Variants in SPAG9 observed in about 807,000 individuals in gnomAD.
The protein encoded by SPAG9 is sperm associated antigen 9.
SPAG9 carries 35 observed loss-of-function variants against 166.5 expected under a neutral mutation model. The observed-to-expected ratio is 0.21, with a 90% confidence interval of 0.16 to 0.28. The LOEUF (loss-of-function observed/expected upper bound fraction) is 0.28. SPAG9 is among the 10% of genes least tolerant of loss of function. The pLI is 1.00. For missense variants in SPAG9, 1,235 were observed against 1,603.3 expected (o/e 0.77, Z 3.92); for synonymous variants, 534 against 565.5 (o/e 0.94, Z 0.79).
chr17:51,066,670 C>T (rs2047680529), intron 2 of SPAG9, among the ~76,000 whole-genome samples: 1 of 151,120 alleles, frequency 6.6e-6, no homozygotes, highest in Non-Finnish European at 1.5e-5. Flanking sequence ...TCCTGGTCAA[C>T]ATGGTGAAAC....
intron 5 of SPAG9, chr17:51,031,966 AGC>A (rs2046401647): frequency 1.6e-6 from 1 of 627,128 alleles, no homozygotes; most frequent in Admixed American, 2.2e-5. Flanking sequence ...ATCAACATGC[AGC>A]TCATTGTTTA....
At chr17:50,978,539 T>A (rs999788235) in intron 26 of SPAG9, among the ~76,000 whole-genome samples, 2 of 152,148 alleles carry the variant, frequency 1.3e-5, no homozygotes, top group Admixed American at 1.3e-4. Context: ...TTCACGGGGC[T>A]TAGGGTCTGT....
At chr17:51,118,470 C>T (rs1430677898) in intron 1 of SPAG9, among the ~76,000 whole-genome samples, 1 of 152,134 alleles carries the variant, frequency 6.6e-6, no homozygotes, top group Non-Finnish European at 1.5e-5. Flanking sequence ...CATATTTACA[C>T]GGACTGACAG....
intron 2 of SPAG9, among the ~76,000 whole-genome samples, chr17:51,075,995 T>C (rs1031554726): frequency 2.6e-5 from 4 of 151,476 alleles, no homozygotes; most frequent in Admixed American, 2.6e-4. Flanking sequence ...CTAGGAAGGC[T>C]GAGGCAGGAG....
chr17:51,105,990 C>T (rs1049096198), intron 1 of SPAG9, among the ~76,000 whole-genome samples: 74 of 151,926 alleles, frequency 4.9e-4, no homozygotes, highest in African/African-American at 1.6e-3. Flanking sequence ...TATGGCCAGG[C>T]GCAGTGGTTC....
At chr17:51,042,186 C>T (rs772075242) in intron 4 of SPAG9, among the ~76,000 whole-genome samples, 1 of 152,164 alleles carries the variant, frequency 6.6e-6, no homozygotes, top group Non-Finnish European at 1.5e-5. Flanking sequence ...TTCTCCCCAC[C>T]ACCCAAGTAA....
intron 1 of SPAG9, among the ~76,000 whole-genome samples, chr17:51,116,604 A>G (rs1425806532): frequency 2.0e-5 from 3 of 152,008 alleles, no homozygotes; most frequent in Admixed American, 1.3e-4. Flanking sequence ...TTGTCTCTGT[A>G]AAAAATTTAA....
Position 51,105,558 on chromosome 17 carries a change from C to A in SPAG9, c.303+14796G>T, listed in dbSNP as rs541799391. Among the ~76,000 whole-genome samples, 31 of 152,266 alleles carry A rather than the reference C, an allele frequency of 2.0e-4. No individual in the cohort carries two copies. The South Asian group carries it at 6.4e-3, about 32-fold the overall frequency. ...TAACCTTTTCTTCTTCCCTTTTCTT[C>A]CCCAGTAGCTTGAAAAAACACTTAA... On this transcript the variant is annotated intron_variant, in intron 1 of 29. Transcript: ENST00000262013.
At chr17:51,072,922 T>C (rs1008855215) in intron 2 of SPAG9, among the ~76,000 whole-genome samples, 3 of 152,206 alleles carry the variant, frequency 2.0e-5, no homozygotes, top group Non-Finnish European at 2.9e-5. Context: ...CTGTGTACAG[T>C]GGCTAATGCC....
chr17:51,037,361 A>C (rs1046609170), intron 5 of SPAG9, among the ~76,000 whole-genome samples: 2 of 151,962 alleles, frequency 1.3e-5, no homozygotes, highest in Non-Finnish European at 2.9e-5. Flanking sequence ...CGGTGGCTCA[A>C]GCCTGTAGTC....
intron 1 of SPAG9, among the ~76,000 whole-genome samples, chr17:51,082,779 C>A (rs919506822): frequency 3.3e-5 from 5 of 152,208 alleles, no homozygotes; most frequent in Non-Finnish European, 7.3e-5. Context: ...TGTCCTCAAA[C>A]TTTTCAATCA....
rs1973352422 is a variant in SPAG9 at position 50,966,196 on chromosome 17, A to T, written c.*76T>A. The T allele has an allele frequency of 3.4e-5, 31 of 900,050 alleles. No homozygotes were observed. In the South Asian group the frequency reaches 4.1e-4, roughly 12 times the overall value. 55.8% of individuals were successfully genotyped at this position (900,050 alleles called of 1,614,324 possible). On this transcript the variant is annotated 3_prime_UTR_variant, in exon 30 of 30. Transcript: ENST00000262013. ...GGTGAAACTTATCTCACAAAAGAGC[A>T]TTAAATAAAAGGATAGAGGGAAAAT...
chr17:51,109,102 T>A (rs2049032456), intron 1 of SPAG9, among the ~76,000 whole-genome samples: 2 of 151,756 alleles, frequency 1.3e-5, no homozygotes, highest in Non-Finnish European at 2.9e-5. Context: ...CCTCAGGTGA[T>A]CCGCCCGCCT....
Position 50,990,664 on chromosome 17 carries a change from T to C in SPAG9, c.2403A>G (p.Ala801=). The C allele has an allele frequency of 6.2e-7, 1 of 1,613,546 alleles. No homozygotes were observed. The highest frequency in any genetic ancestry group is 8.5e-7 in the Non-Finnish European group (1 of 1,179,476). ...CTCCTGCAGGGTAGTCTGTTTCTCGTGCACCTGAAAAATAAATCTTCTTGT... is the reference window on the plus strand; with the variant it reads ...CTCCTGCAGGGTAGTCTGTTTCTCGCGCACCTGAAAAATAAATCTTCTTGT... ...HVLCIASVPG[A]RETDYPAGED... The change falls in exon 20 of 30, where the codon GCA becomes GCG. Residue 801 remains alanine, a synonymous_variant. Coordinates refer to ENST00000262013, the MANE Select transcript of SPAG9 (RefSeq NM_001130528.3).
Position 51,080,886 on chromosome 17 carries a change from CAAAAAAAAAAAAA to C in SPAG9, c.304-1195_304-1183del, listed in dbSNP as rs200436430. Among the ~76,000 whole-genome samples, 18 of 67,850 alleles carry C rather than the reference CAAAAAAAAAAAAA, an allele frequency of 2.7e-4. 1 individual carries two copies. The highest frequency in any genetic ancestry group is 1.1e-3 in the Admixed American group (8 of 7,100). The allele number at this position is 67,850 out of a possible 152,430, so 44.5% of individuals were successfully genotyped here. On this transcript the variant is annotated intron_variant, in intron 1 of 29. Coordinates refer to ENST00000262013, the MANE Select transcript of SPAG9 (RefSeq NM_001130528.3). The stretch of plus-strand genomic sequence containing the variant: ...TGGGCTACAGAGCAAGACTCTATCT[CAAAAAAAAAAAAA>C]AAAAAAAAAAAAAGCATCTTAAATT...
At chr17:51,077,081 TCTAG>T (rs1230111197) in intron 2 of SPAG9, among the ~76,000 whole-genome samples, 4 of 109,622 alleles carry the variant, frequency 3.6e-5, no homozygotes, top group East Asian at 2.4e-4. Context: ...TATCTAGCTA[TCTAG>T]CTAGCTATCT....
At chr17:51,115,345 C>T (rs2049254098) in intron 1 of SPAG9, among the ~76,000 whole-genome samples, 2 of 151,882 alleles carry the variant, frequency 1.3e-5, no homozygotes. Context: ...CACACCATCA[C>T]ACCCAACTAA....
intron 2 of SPAG9, among the ~76,000 whole-genome samples, chr17:51,071,502 T>C (rs1212167776): frequency 1.3e-5 from 2 of 152,202 alleles, no homozygotes; most frequent in East Asian, 1.9e-4. Flanking sequence ...AAATCCTTTA[T>C]TCATGTTGGA....
At chr17:51,112,647 C>T (rs113920379) in intron 1 of SPAG9, among the ~76,000 whole-genome samples, 2,894 of 123,794 alleles carry the variant, frequency 0.023, 111 homozygotes, top group African/African-American at 0.084. Flanking sequence ...TCCAGACTGG[C>T]GACAGAGCCA....
Sources: allele counts gnomAD v4.1 joint callset (sites outside exome capture counted in the v4.1 genomes callset), GRCh38; gene constraint gnomAD v4.1.1; transcripts MANE v1.5; gene names NCBI Gene and HGNC (gene_info 2026-07-23, HGNC 2026-07-21).